C5orf47: variants seen among roughly 807,000 people sequenced by gnomAD.
C5orf47 encodes the protein uncharacterized protein C5orf47.
Under a neutral mutation model 20.6 loss-of-function variants are expected in C5orf47, and 20 were observed. The ratio of observed to expected loss-of-function variants is 0.97; its 90% confidence interval spans 0.68 to 1.41. The LOEUF (loss-of-function observed/expected upper bound fraction) is 1.41, where lower values mean the gene tolerates loss of function less well. Among genes scored for constraint, C5orf47 ranks in the 40% most tolerant of loss-of-function variants. The probability of loss-of-function intolerance (pLI) is 0.00; values close to 1 mark genes in which losing one functional copy is unlikely to be tolerated. For missense variants in C5orf47, 262 were observed against 238.4 expected, an observed-to-expected ratio of 1.10 and a Z score of -0.65; for synonymous variants, 106 against 97.3, an observed-to-expected ratio of 1.09 and a Z score of -0.53.
chr5:173,995,737 T>A (rs890684034), intron 1 of C5orf47, among the ~76,000 whole-genome samples: 3 of 152,250 alleles, frequency 2.0e-5, no homozygotes, highest in Non-Finnish European at 4.4e-5. Flanking sequence ...ACATGTGCTA[T>A]TTATTGAATG....
rs1328173814 is a variant in C5orf47, at chr5:173,995,308, TAG to T, written c.326-2844_326-2843del. ...ATTAATGAATAATGGAAATATAAAC[TAG>T]TAGATATGAGTGTTGTAAGAGTGAG... is the stretch of plus-strand genomic sequence containing the variant. On this transcript the variant is annotated intron_variant, in intron 1 of 4. Transcript: ENST00000340147. Among the ~76,000 whole-genome samples, 39 of 152,274 alleles carry T rather than the reference TAG, an allele frequency of 2.6e-4. 1 individual carries two copies. The highest frequency in any genetic ancestry group is 9.1e-4 in the African/African-American group (38 of 41,548).
rs1426288632 is a variant in C5orf47 at position 174,004,667 on chromosome 5, C to A, written c.*413C>A. On this transcript the variant is annotated 3_prime_UTR_variant, in exon 5 of 5. Transcript: ENST00000340147. ...TTTTAGATGTAACTCTTAAATTAAA[C>A]TTGGATTCATTTAAATTATTTTTGG... 6.6e-6 allele frequency: 1 copy of A among 152,164 alleles called. No homozygotes were observed. Among genetic ancestry groups the A allele is most frequent in the Non-Finnish European group, 1.5e-5 (1 of 67,998 alleles). The allele number at this position is 152,164 out of a possible 1,614,324, so 9.4% of individuals were successfully genotyped here.
Position 173,997,402 on chromosome 5 carries a change from A to G in C5orf47, c.326-751A>G, listed in dbSNP as rs1759117379. On this transcript the variant is annotated intron_variant, in intron 1 of 4. Transcript: ENST00000340147. The stretch of plus-strand genomic sequence containing the variant: ...CCCTTGGGTTTTCTTCTAACAGTTA[A>G]CATTTGAGAAGGCAGCATGGTTTAG... Among the ~76,000 whole-genome samples, 5 of 152,288 alleles carry G rather than the reference A, an allele frequency of 3.3e-5. No homozygotes were observed. In the South Asian group the frequency reaches 1.0e-3, roughly 32 times the overall value.
At chr5:174,004,163 G>A (rs1279310546) in intron 4 of C5orf47, 108 bp from the exon 5 acceptor site, 1 of 152,270 alleles carries the variant, frequency 6.6e-6, no homozygotes, top group East Asian at 1.9e-4. Flanking sequence ...AGTACAGGGA[G>A]TTTCTAACTG....
At chr5:173,992,701 T>C (rs966404413) in intron 1 of C5orf47, among the ~76,000 whole-genome samples, 1 of 152,240 alleles carries the variant, frequency 6.6e-6, no homozygotes, top group Admixed American at 6.5e-5. Context: ...AATTTTTAAC[T>C]CTTTTCCATA....
At chr5:173,990,405 G>A (rs1758971351) in intron 1 of C5orf47, among the ~76,000 whole-genome samples, 1 of 151,996 alleles carries the variant, frequency 6.6e-6, no homozygotes, top group South Asian at 2.1e-4. Context: ...ACATGCATGA[G>A]CCACTGGGCC....
Position 173,992,318 on chromosome 5 carries a change from C to T in C5orf47, c.325+2730C>T, listed in dbSNP as rs146091943. 7.2e-3 allele frequency among the ~76,000 whole-genome samples: 1,093 copies of T among 150,838 alleles called. 10 individuals carry two copies. The highest frequency in any genetic ancestry group is 0.024 in the African/African-American group (974 of 40,934). On this transcript the variant is annotated intron_variant, in intron 1 of 4. Coordinates refer to ENST00000340147, the MANE Select transcript of C5orf47 (RefSeq NM_001144954.2). ...AGTTTACCACTTTGGGAGGCTGAGA[C>T]GGGAGGATTGCTTAAGGCCAGCAGT...
rs1581197406 is a variant in C5orf47, at chr5:174,001,339, G to T, written c.*16+108G>T. 5 of 654,198 alleles carry T rather than the reference G, an allele frequency of 7.6e-6. No homozygotes were observed. In the East Asian group the frequency reaches 1.4e-4, roughly 19 times the overall value. 40.5% of individuals were successfully genotyped at this position (654,198 alleles called of 1,614,324 possible). On this transcript the variant is annotated intron_variant, in intron 4 of 4. Coordinates refer to ENST00000340147, the MANE Select transcript of C5orf47 (RefSeq NM_001144954.2). ...GTATAACCAATCATTGCTAATTCCAGCCTATTTCCTTTCTTAAATACAGTG... is the reference window on the plus strand; with the variant it reads ...GTATAACCAATCATTGCTAATTCCATCCTATTTCCTTTCTTAAATACAGTG...
At chr5:174,008,871 G>T (rs975401326), downstream of C5orf47, among the ~76,000 whole-genome samples, 39 of 151,140 alleles carry the variant, frequency 2.6e-4, no homozygotes, top group Non-Finnish European at 4.3e-4. Flanking sequence ...ACATGATTCT[G>T]GATTCTGGTG....
intron 4 of C5orf47, among the ~76,000 whole-genome samples, chr5:174,003,678 G>C (rs754404582): frequency 6.6e-6 from 1 of 152,090 alleles, no homozygotes; most frequent in Non-Finnish European, 1.5e-5. Context: ...AGGCAATGTC[G>C]AGGATAAAGA....
At chr5:173,993,495 G>T (rs866740175) in intron 1 of C5orf47, among the ~76,000 whole-genome samples, 32 of 152,124 alleles carry the variant, frequency 2.1e-4, no homozygotes, top group African/African-American at 7.2e-4. Context: ...ACAAAAATTA[G>T]CTGGGTGTGG....
intron 1 of C5orf47, among the ~76,000 whole-genome samples, chr5:173,996,563 G>A (rs1759103048): frequency 6.6e-6 from 1 of 152,132 alleles, no homozygotes; most frequent in Non-Finnish European, 1.5e-5. Context: ...ATGAAGAGCA[G>A]AGTTTCCCAA....
intron 1 of C5orf47, among the ~76,000 whole-genome samples, chr5:173,990,308 CG>C (rs11390280): frequency 4.3e-5 from 3 of 69,506 alleles, no homozygotes; most frequent in African/African-American, 9.0e-5. Context: ...ACATGGGGGG[CG>C]GGGGGGTCTC....
downstream of C5orf47, among the ~76,000 whole-genome samples, chr5:174,009,238 C>G (rs1222496987): frequency 6.6e-6 from 1 of 152,114 alleles, no homozygotes; most frequent in African/African-American, 2.4e-5. Context: ...CCTCCAGTGT[C>G]CTGGAGAGAT....
At position 174,001,214 on chromosome 5, in the gene C5orf47, G is replaced by A. The variant is rs141052002; in HGVS notation, c.530G>A (p.Ter177=). The A allele has an allele frequency of 6.6e-7, 1 of 1,507,416 alleles. No individual in the cohort carries two copies. Among genetic ancestry groups the A allele is most frequent in the South Asian group, 1.2e-5 (1 of 81,180 alleles). The allele number at this position is 1,507,416 out of a possible 1,614,324, so 93.4% of individuals were successfully genotyped here. A position where few individuals can be genotyped will look rare whatever the true frequency, so the allele number is the denominator to read the frequency against. The change falls in exon 4 of 5, where the codon TGA becomes TAA. Residue 177 remains the stop codon, a stop_retained_variant. Transcript: ENST00000340147. ...LSSESSNYTR[*] ...TTTGCAGGCTCAAATTACACAAGATGAATCTTCTTATCTTCTGGTAAGAAT... is the reference window on the plus strand; with the variant it reads ...TTTGCAGGCTCAAATTACACAAGATAAATCTTCTTATCTTCTGGTAAGAAT...
chr5:174,006,187 C>T (rs1759291004), downstream of C5orf47: 1 of 152,312 alleles, frequency 6.6e-6, no homozygotes, highest in African/African-American at 2.4e-5. Flanking sequence ...TGTCATTTGT[C>T]TAGTTTTCAT....
chr5:173,989,675 C>T (rs1758949063), intron 1 of C5orf47, 87 bp downstream of exon 1: 4 of 1,168,806 alleles, frequency 3.4e-6, no homozygotes, highest in Non-Finnish European at 4.4e-6. Flanking sequence ...TCTTGCGGCA[C>T]GCAGGAGGCT....
chr5:174,002,549 A>G (rs1581198032), intron 4 of C5orf47, among the ~76,000 whole-genome samples: 2 of 152,060 alleles, frequency 1.3e-5, no homozygotes, highest in Admixed American at 6.6e-5. Flanking sequence ...ATTGTTTACT[A>G]AGATTTGCTG....
At chr5:173,992,886 T>C (rs1158515252) in intron 1 of C5orf47, among the ~76,000 whole-genome samples, 2 of 152,288 alleles carry the variant, frequency 1.3e-5, no homozygotes, top group Middle Eastern at 3.4e-3. Flanking sequence ...CTTTTTGTTC[T>C]TTTCACCTCA....
Sources: gnomAD v4.1 joint callset for allele counts (sites outside exome capture counted in the v4.1 genomes callset) on GRCh38, gnomAD v4.1.1 for gene constraint, MANE v1.5 for transcripts, NCBI Gene and HGNC (gene_info 2026-07-23, HGNC 2026-07-21) for gene names.